The following TNFAIP8 variants were observed in gnomAD, a reference collection of about 807,000 sequenced individuals.
The protein encoded by TNFAIP8 is tumor necrosis factor alpha-induced protein 8.
TNFAIP8 carries 7 observed loss-of-function variants against 13.3 expected under a neutral mutation model. The observed-to-expected ratio is 0.52, with a 90% CI of 0.30 to 0.99. TNFAIP8 has a LOEUF of 0.99. Ranked by LOEUF, TNFAIP8 falls within the 50% of genes least tolerant of loss-of-function variation. The probability of loss-of-function intolerance (pLI) is 0.07; values close to 1 mark genes in which losing one functional copy is unlikely to be tolerated. For synonymous variants in TNFAIP8, 94 were observed against 87.6 expected (o/e 1.07, Z -0.41); for missense variants, 258 against 236.9 (o/e 1.09, Z -0.58).
intron 1 of TNFAIP8, among the ~76,000 whole-genome samples, chr5:119,382,616 C>G (rs1752527375): frequency 1.3e-5 from 2 of 152,218 alleles, no homozygotes; most frequent in South Asian, 4.2e-4. Flanking sequence ...ATATTTGGTG[C>G]TGTTCTAAGC....
intron 1 of TNFAIP8, 23 bp downstream of exon 1, chr5:119,356,144 G>T (rs766470345): frequency 6.4e-7 from 1 of 1,563,128 alleles, no homozygotes; most frequent in Non-Finnish European, 8.7e-7. Context: ...TTTCTCCTGG[G>T]GGCCGGCCAA....
chr5:119,373,645 AG>A (rs1381414326), intron 1 of TNFAIP8, among the ~76,000 whole-genome samples: 1 of 152,226 alleles, frequency 6.6e-6, no homozygotes, highest in East Asian at 1.9e-4. Flanking sequence ...TTGAGACGGA[AG>A]GGATTGGCAT....
upstream of TNFAIP8, among the ~76,000 whole-genome samples, chr5:119,351,788 C>CTTTTTTTTTTTTTTTTTT (rs1177061965): frequency 1.2e-4 from 17 of 138,234 alleles, no homozygotes; most frequent in African/African-American, 3.5e-4. Flanking sequence ...TTTTCTTTTT[C>CTTTTTTTTTTTTTTTTTT]TTTTTTTCTT....
chr5:119,334,352 T>G (rs1750480739), intron 1 of TNFAIP8, among the ~76,000 whole-genome samples: 1 of 152,168 alleles, frequency 6.6e-6, no homozygotes, highest in Non-Finnish European at 1.5e-5. Context: ...TTCAAGTTGA[T>G]ATATAATATT....
intron 1 of TNFAIP8, among the ~76,000 whole-genome samples, chr5:119,298,039 A>G (rs1749234575): frequency 6.6e-6 from 1 of 152,186 alleles, no homozygotes; most frequent in South Asian, 2.1e-4. Context: ...CAGCACACTG[A>G]TGGGTCTTGA....
intron 1 of TNFAIP8, among the ~76,000 whole-genome samples, chr5:119,372,942 A>C (rs1177507897): frequency 6.6e-6 from 1 of 152,216 alleles, no homozygotes; most frequent in East Asian, 1.9e-4. Context: ...GCCTGGGTGA[A>C]AGATTGAGAC....
At chr5:119,368,338 T>C (rs1751943643) in intron 1 of TNFAIP8, among the ~76,000 whole-genome samples, 1 of 151,758 alleles carries the variant, frequency 6.6e-6, no homozygotes, top group Non-Finnish European at 1.5e-5. Flanking sequence ...CTTTTTTTGC[T>C]ATCTCCCGAA....
intron 1 of TNFAIP8, among the ~76,000 whole-genome samples, chr5:119,306,978 C>T (rs1214002214): frequency 6.6e-6 from 1 of 152,182 alleles, no homozygotes. Context: ...GATCAAACTA[C>T]TGTTTTTTGT....
chr5:119,277,305 A>G (rs974914311), intron 1 of TNFAIP8, among the ~76,000 whole-genome samples: 8 of 152,230 alleles, frequency 5.3e-5, no homozygotes, highest in African/African-American at 1.9e-4. Context: ...TTCTTTAAAC[A>G]ATGATCTTTT....
Position 119,399,612 on chromosome 5 carries a change from A to G in TNFAIP8, c.*6231A>G, listed in dbSNP as rs1044557600. 1.3e-5 allele frequency: 2 copies of G among 152,198 alleles called. No individual in the cohort carries two copies. The highest frequency in any genetic ancestry group is 1.9e-4 in the East Asian group (1 of 5,200). 9.4% of individuals were successfully genotyped at this position (152,198 alleles called of 1,614,324 possible). On this transcript the variant is annotated 3_prime_UTR_variant, in exon 2 of 2. Coordinates refer to ENST00000504771, the MANE Select transcript of TNFAIP8 (RefSeq NM_014350.4). The stretch of plus-strand genomic sequence containing the variant: ...ATTTAGGAAAATTGTTTTGGGTTGC[A>G]TTGTTGAAAGTAATGATTTCTAGCA...
intron 1 of TNFAIP8, among the ~76,000 whole-genome samples, chr5:119,270,272 T>A (rs1317362320): frequency 6.6e-6 from 1 of 152,406 alleles, no homozygotes; most frequent in Admixed American, 6.5e-5. Flanking sequence ...GTTTCCACAC[T>A]GTTTTAACTA....
At chr5:119,355,413 ACTTTCTT>A, upstream of TNFAIP8, 1 of 700,642 alleles carries the variant, frequency 1.4e-6, no homozygotes, top group South Asian at 1.5e-5. Context: ...AGGCCGCTCC[ACTTTCTT>A]CAAAAGGCCC....
At chr5:119,374,102 A>G (rs1409360265) in intron 1 of TNFAIP8, among the ~76,000 whole-genome samples, 4 of 152,216 alleles carry the variant, frequency 2.6e-5, no homozygotes, top group Admixed American at 6.5e-5. Context: ...TTTTTAATAC[A>G]AATACATTAA....
intron 1 of TNFAIP8, among the ~76,000 whole-genome samples, chr5:119,332,272 T>C (rs1254313985): frequency 2.0e-5 from 3 of 152,198 alleles, no homozygotes; most frequent in Non-Finnish European, 2.9e-5. Flanking sequence ...AGGCAATATG[T>C]TATTTGCTTC....
At chr5:119,389,304 T>A (rs1312478708) in intron 1 of TNFAIP8, among the ~76,000 whole-genome samples, 1 of 152,148 alleles carries the variant, frequency 6.6e-6, no homozygotes, top group African/African-American at 2.4e-5. Context: ...AAATCTTGAA[T>A]GCACTTACAA....
intron 1 of TNFAIP8, chr5:119,333,689 T>A: frequency 7.4e-7 from 1 of 1,359,114 alleles, no homozygotes; most frequent in Non-Finnish European, 1.0e-6. Context: ...TGAAATCTGG[T>A]AAAATGTTCA....
intron 1 of TNFAIP8, among the ~76,000 whole-genome samples, chr5:119,283,546 A>T (rs894741734): frequency 6.6e-6 from 1 of 152,228 alleles, no homozygotes; most frequent in Non-Finnish European, 1.5e-5. Context: ...TTGCAGGTAT[A>T]AAGAAAAAGG....
At chr5:119,314,220 C>T (rs956752310) in intron 1 of TNFAIP8, among the ~76,000 whole-genome samples, 35 of 152,226 alleles carry the variant, frequency 2.3e-4, no homozygotes, top group African/African-American at 6.0e-4. Context: ...CCATGTCTGT[C>T]GTCTGTTTTG....
intron 1 of TNFAIP8, among the ~76,000 whole-genome samples, chr5:119,287,713 G>A (rs138981913): frequency 1.3e-5 from 2 of 152,236 alleles, no homozygotes; most frequent in African/African-American, 4.8e-5. Context: ...CAGTAAATAT[G>A]TGTTAACGAA....
Sources: gnomAD v4.1 joint callset for allele counts (sites outside exome capture counted in the v4.1 genomes callset) on GRCh38, gnomAD v4.1.1 for gene constraint, MANE v1.5 for transcripts, NCBI Gene and HGNC (gene_info 2026-07-23, HGNC 2026-07-21) for gene names.